The following ZNF875 variants were observed in gnomAD, a reference collection of about 807,000 sequenced individuals.
ZNF875 encodes the protein zinc finger protein 875.
ZNF875 carries 14 observed loss-of-function variants against 11.2 expected under a neutral mutation model. The observed-to-expected ratio is 1.26, with a 90% confidence interval of 0.83 to 1.96. The LOEUF (loss-of-function observed/expected upper bound fraction) is 1.96, where lower values mean the gene tolerates loss of function less well. ZNF875 is among the 30% of genes most tolerant of loss of function. ZNF875 has a pLI of 0.00. For missense variants in ZNF875, 752 were observed against 760.4 expected, an observed-to-expected ratio of 0.99 and a Z score of 0.13; for synonymous variants, 301 against 281.1, an observed-to-expected ratio of 1.07 and a Z score of -0.71.
At chr19:37,331,186 CAAAAAAA>C (rs71177440), upstream of ZNF875, among the ~76,000 whole-genome samples, 1 of 74,784 alleles carries the variant, frequency 1.3e-5, no homozygotes, top group African/African-American at 5.5e-5. Flanking sequence ...GACTCTGTCT[CAAAAAAA>C]AAAAAAAAAA....
chr19:37,341,452 G>C (rs2035705201), intron 2 of ZNF875, among the ~76,000 whole-genome samples: 1 of 152,138 alleles, frequency 6.6e-6, no homozygotes, highest in African/African-American at 2.4e-5. Flanking sequence ...TCTTCCATGT[G>C]GGCTTGGGCT....
chr19:37,333,362 A>G (rs1456682076), upstream of ZNF875, among the ~76,000 whole-genome samples: 1 of 151,706 alleles, frequency 6.6e-6, no homozygotes, highest in Non-Finnish European at 1.5e-5. Flanking sequence ...AGCATTCTAC[A>G]TTTATAGATA....
At chr19:37,356,548 G>A (rs1039586129) in intron 4 of ZNF875, among the ~76,000 whole-genome samples, 1 of 152,026 alleles carries the variant, frequency 6.6e-6, no homozygotes, top group Non-Finnish European at 1.5e-5. Flanking sequence ...AGATCTCTTT[G>A]TGGTTGTAAT....
At chr19:37,313,758 G>GTA (rs1327492915), upstream of ZNF875, among the ~76,000 whole-genome samples, 1 of 152,034 alleles carries the variant, frequency 6.6e-6, no homozygotes, top group African/African-American at 2.4e-5. Context: ...GTGTGTGTGT[G>GTA]TGTGTGTGTG....
intron 2 of ZNF875, among the ~76,000 whole-genome samples, chr19:37,342,357 C>T (rs2035889008): frequency 6.6e-6 from 1 of 151,832 alleles, no homozygotes; most frequent in South Asian, 2.1e-4. Context: ...ATTGCTTCTT[C>T]AGCTCTTCTG....
chr19:37,317,878 C>T (rs2030348779), upstream of ZNF875: 1 of 152,952 alleles, frequency 6.5e-6, no homozygotes, highest in Admixed American at 6.5e-5. Context: ...TCCGGAAGCC[C>T]GCCCTCCCGT....
chr19:37,336,225 CATAG>C (rs990104869), intron 2 of ZNF875, among the ~76,000 whole-genome samples: 30 of 151,612 alleles, frequency 2.0e-4, no homozygotes, highest in Admixed American at 1.2e-3. Flanking sequence ...GGCAAGGAAG[CATAG>C]ATAGTTTCAG....
At chr19:37,340,494 T>C (rs2035472673) in intron 2 of ZNF875, among the ~76,000 whole-genome samples, 1 of 152,084 alleles carries the variant, frequency 6.6e-6, no homozygotes, top group African/African-American at 2.4e-5. Flanking sequence ...AACATCACTT[T>C]TCAGAAACCT....
At chr19:37,355,479 C>T (rs1600176944) in intron 4 of ZNF875, among the ~76,000 whole-genome samples, 1 of 152,258 alleles carries the variant, frequency 6.6e-6, no homozygotes, top group Admixed American at 6.5e-5. Context: ...TGAGCCACCA[C>T]CCCCGGCCTG....
intron 2 of ZNF875, chr19:37,344,633 C>G (rs1258724315): frequency 2.0e-6 from 3 of 1,532,680 alleles, no homozygotes; most frequent in Non-Finnish European, 2.7e-6. Context: ...GAATTAACTC[C>G]CCCAAGCTTC....
chr19:37,352,092 C>A (rs191076032), intron 4 of ZNF875, among the ~76,000 whole-genome samples: 1 of 152,174 alleles, frequency 6.6e-6, no homozygotes, highest in South Asian at 2.1e-4. Context: ...TGCTATGAGG[C>A]ACATGTACAT....
At chr19:37,330,982 C>A (rs925282900), upstream of ZNF875, among the ~76,000 whole-genome samples, 5 of 151,910 alleles carry the variant, frequency 3.3e-5, no homozygotes, top group East Asian at 7.9e-4. Context: ...GTCAGGAGAT[C>A]GAGACCATCC....
chr19:37,335,961 A>G (rs1366426513), intron 2 of ZNF875, among the ~76,000 whole-genome samples: 1 of 152,194 alleles, frequency 6.6e-6, no homozygotes, highest in Admixed American at 6.5e-5. Context: ...TTCCCTCAGC[A>G]TTCCTTTCTG....
At chr19:37,323,353 A>G (rs2031856354) in intron 2 of ZNF875, among the ~76,000 whole-genome samples, 1 of 151,850 alleles carries the variant, frequency 6.6e-6, no homozygotes, top group Non-Finnish European at 1.5e-5. Flanking sequence ...ACGGGGTTTC[A>G]TCGTGTTGGC....
intron 2 of ZNF875, among the ~76,000 whole-genome samples, chr19:37,346,022 G>C (rs548279059): frequency 6.6e-6 from 1 of 152,184 alleles, no homozygotes; most frequent in African/African-American, 2.4e-5. Flanking sequence ...TGCAGATTCT[G>C]TTGTAGACAC....
rs775851120 is a variant in ZNF875, at chr19:37,347,192, G to A, written c.36G>A (p.Ala12=). The change falls in exon 3 of 5, where the codon GCG becomes GCA. Residue 12 remains alanine, a splice_region_variant and synonymous_variant. Coordinates refer to ENST00000392153, the MANE Select transcript of ZNF875 (RefSeq NM_001353803.2). ...ATGLLRAKKE[A]FVAFRDVAVY... ...CAGAGGTGTGTTTTGTGTTAAAGGC[G>A]TTCGTGGCATTCAGGGATGTGGCTG... 17 of 1,613,914 alleles carry A rather than the reference G, an allele frequency of 1.1e-5. No individual in the cohort carries two copies. Among genetic ancestry groups the A allele is most frequent in the South Asian group, 8.8e-5 (8 of 91,094 alleles).
chr19:37,328,011 G>A (rs1346977257), intron 4 of ZNF875, among the ~76,000 whole-genome samples: 1 of 152,130 alleles, frequency 6.6e-6, no homozygotes. Context: ...GGAGGCCAAG[G>A]CGGGCGGATC....
At chr19:37,354,100 AG>A (rs1321240595) in intron 4 of ZNF875, among the ~76,000 whole-genome samples, 2 of 151,378 alleles carry the variant, frequency 1.3e-5, no homozygotes, top group Non-Finnish European at 2.9e-5. Flanking sequence ...CTCTTTTTTG[AG>A]GGGTGGGTGG....
intron 2 of ZNF875, among the ~76,000 whole-genome samples, chr19:37,340,711 C>T (rs535493360): frequency 1.3e-4 from 18 of 143,746 alleles, no homozygotes; most frequent in Admixed American, 8.7e-4. Flanking sequence ...TGCAGTGTCA[C>T]GATCTCAGCT....
Sources: gnomAD v4.1 joint callset for allele counts (sites outside exome capture counted in the v4.1 genomes callset) on GRCh38, gnomAD v4.1.1 for gene constraint, MANE v1.5 for transcripts, NCBI Gene and HGNC (gene_info 2026-07-23, HGNC 2026-07-21) for gene names.